ARSB: variants seen among roughly 807,000 people sequenced by gnomAD.
ARSB encodes the protein N-acetylgalactosamine-4-sulfatase.
A neutral mutation model predicts 50.9 loss-of-function variants in ARSB; 41 were observed. The observed-to-expected ratio is 0.81, with a 90% CI of 0.63 to 1.04. ARSB has a LOEUF of 1.04. Among genes scored for constraint, ARSB ranks in the 50% least tolerant of loss-of-function variants. The pLI is 0.00. For missense variants in ARSB, 672 were observed against 693.3 expected, an observed-to-expected ratio of 0.97 and a Z score of 0.35; for synonymous variants, 269 against 284.8, an observed-to-expected ratio of 0.94 and a Z score of 0.56.
intron 4 of ARSB, among the ~76,000 whole-genome samples, chr5:78,954,130 G>A (rs1413956242): frequency 6.6e-6 from 1 of 151,976 alleles, no homozygotes; most frequent in Non-Finnish European, 1.5e-5. Flanking sequence ...AAAAATTAGA[G>A]GACTGACCTG....
intron 2 of ARSB, among the ~76,000 whole-genome samples, chr5:78,968,602 G>T (rs1459491176): frequency 6.6e-6 from 1 of 152,022 alleles, no homozygotes; most frequent in Admixed American, 6.6e-5. Flanking sequence ...GCCTGCTTCG[G>T]CCTCCCAAAG....
intron 5 of ARSB, among the ~76,000 whole-genome samples, chr5:78,860,085 A>C (rs1433479425): frequency 6.6e-6 from 1 of 152,206 alleles, no homozygotes; most frequent in Admixed American, 6.5e-5. Flanking sequence ...GGTGCTGAGA[A>C]GAATGTATAT....
rs765132591 is a variant in ARSB at position 78,984,954 on chromosome 5, G to A, written c.295C>T (p.Leu99Phe). Residue 99 changes from leucine (L) to phenylalanine (F), a missense_variant, in exon 1 of 8, where the codon CTC becomes TTC. By Grantham distance (22) the Leu-to-Phe change is conservative (BLOSUM62 0). Transcript: ENST00000264914. ...CCGCGTACCTGGTAGCGGCCAGTGA[G>A]CAGCTGGCTCCGCGACGGCGTGCAC... ...PLCTPSRSQL[L>F]TGRYQIRTGL... 5 of 1,467,150 alleles carry A rather than the reference G, an allele frequency of 3.4e-6. No homozygotes were observed. In the African/African-American group the frequency reaches 7.2e-5, roughly 21 times the overall value. The allele number at this position is 1,467,150 out of a possible 1,614,324, so 90.9% of individuals were successfully genotyped here. A position where few individuals can be genotyped will look rare whatever the true frequency, so the allele number is the denominator to read the frequency against.
chr5:78,812,344 G>T (rs1743839094), intron 6 of ARSB, among the ~76,000 whole-genome samples: 1 of 152,132 alleles, frequency 6.6e-6, no homozygotes, highest in African/African-American at 2.4e-5. Context: ...AGTATTTACA[G>T]TGGGGAGGGG....
intron 6 of ARSB, chr5:78,815,443 C>T (rs1031945807): frequency 2.4e-5 from 18 of 744,522 alleles, no homozygotes; most frequent in Non-Finnish European, 2.8e-5. Context: ...ACAAGACACC[C>T]CTCTCTGTGC....
At chr5:78,922,881 C>T (rs1046657149) in intron 4 of ARSB, among the ~76,000 whole-genome samples, 3 of 151,944 alleles carry the variant, frequency 2.0e-5, no homozygotes, top group Non-Finnish European at 4.4e-5. Context: ...CTCGGCCTCC[C>T]AAAGTGCTGG....
chr5:78,968,674 G>T (rs1752316273), intron 2 of ARSB, among the ~76,000 whole-genome samples: 1 of 151,966 alleles, frequency 6.6e-6, no homozygotes, highest in Non-Finnish European at 1.5e-5. Context: ...ATTAGGTTTT[G>T]CCAGGCATTA....
chr5:78,966,692 A>C (rs1026515218), intron 2 of ARSB, among the ~76,000 whole-genome samples: 9 of 152,214 alleles, frequency 5.9e-5, no homozygotes, highest in African/African-American at 2.2e-4. Context: ...CCTTCTGTCC[A>C]GCTGAATTTT....
At chr5:78,978,085 T>A (rs1173738977) in intron 1 of ARSB, among the ~76,000 whole-genome samples, 3 of 152,178 alleles carry the variant, frequency 2.0e-5, no homozygotes, top group African/African-American at 7.2e-5. Context: ...ACGTCTATAA[T>A]CCCAACACTT....
intron 6 of ARSB, among the ~76,000 whole-genome samples, chr5:78,796,450 G>A (rs1364579567): frequency 6.6e-6 from 1 of 152,216 alleles, no homozygotes; most frequent in Non-Finnish European, 1.5e-5. Flanking sequence ...AGAGCCCTAT[G>A]GATAGGCCAA....
intron 5 of ARSB, among the ~76,000 whole-genome samples, chr5:78,866,001 T>C (rs180847712): frequency 2.6e-3 from 401 of 152,312 alleles, no homozygotes; most frequent in Middle Eastern, 6.8e-3. Flanking sequence ...CATTTTCCTG[T>C]CTTCTTCTGA....
At chr5:78,848,334 T>G (rs1745562013) in intron 5 of ARSB, among the ~76,000 whole-genome samples, 1 of 50,906 alleles carries the variant, frequency 2.0e-5, no homozygotes, top group South Asian at 5.1e-4. Context: ...TTTTTGTCCT[T>G]GCGATAGTTT....
At chr5:78,851,480 C>T (rs890501992) in intron 5 of ARSB, among the ~76,000 whole-genome samples, 3 of 151,842 alleles carry the variant, frequency 2.0e-5, no homozygotes, top group Non-Finnish European at 4.4e-5. Context: ...TTACTTCCAA[C>T]TATGTGGTCA....
chr5:78,785,074 A>C (rs1749042300), intron 6 of ARSB, among the ~76,000 whole-genome samples: 1 of 152,228 alleles, frequency 6.6e-6, no homozygotes, highest in African/African-American at 2.4e-5. Context: ...CTGGGATTAC[A>C]GGCGTGAGTC....
chr5:78,790,231 A>C (rs1749199440), intron 6 of ARSB, among the ~76,000 whole-genome samples: 1 of 152,196 alleles, frequency 6.6e-6, no homozygotes, highest in Non-Finnish European at 1.5e-5. Context: ...ACAGTAGCAT[A>C]GAACATGCAC....
At chr5:78,827,293 CT>C (rs200848197) in intron 6 of ARSB, among the ~76,000 whole-genome samples, 2,098 of 152,318 alleles carry the variant, frequency 0.014, 49 homozygotes, top group African/African-American at 0.046. Context: ...ACTGCAACCT[CT>C]GCCTCCCCGG....
intron 6 of ARSB, among the ~76,000 whole-genome samples, chr5:78,803,694 G>A (rs978357615): frequency 2.6e-5 from 4 of 152,218 alleles, no homozygotes; most frequent in African/African-American, 7.2e-5. Context: ...TTTCCTAGTC[G>A]ATCCAGCCCA....
chr5:78,836,096 T>A (rs1364533320), intron 6 of ARSB, among the ~76,000 whole-genome samples: 1 of 152,198 alleles, frequency 6.6e-6, no homozygotes, highest in Non-Finnish European at 1.5e-5. Flanking sequence ...TTTTTCCTCA[T>A]AAATGAATTG....
intron 5 of ARSB, among the ~76,000 whole-genome samples, chr5:78,869,929 A>T (rs201343432): frequency 6.6e-6 from 1 of 151,808 alleles, no homozygotes; most frequent in Non-Finnish European, 1.5e-5. Flanking sequence ...AGACTAACAA[A>T]GAAGAAAAGA....
Sources: gnomAD v4.1 joint callset for allele counts (sites outside exome capture counted in the v4.1 genomes callset) on GRCh38, gnomAD v4.1.1 for gene constraint, MANE v1.5 for transcripts, NCBI Gene and HGNC (gene_info 2026-07-23, HGNC 2026-07-21) for gene names.